EDF1: variants seen among roughly 807,000 people sequenced by gnomAD.
EDF1 encodes the protein endothelial differentiation related factor 1.
In EDF1, 5 loss-of-function variants were observed where a neutral mutation model predicts 20.8. The ratio of observed to expected loss-of-function variants is 0.24; its 90% CI spans 0.13 to 0.51. The LOEUF (loss-of-function observed/expected upper bound fraction) is 0.51, where lower values mean the gene tolerates loss of function less well. EDF1 is among the 20% of genes least tolerant of loss of function. The pLI, the probability that EDF1 is intolerant of heterozygous loss-of-function variation, is 0.97. For missense variants in EDF1, 137 were observed against 197.8 expected (o/e 0.69, Z 1.84); for synonymous variants, 96 against 78.5 (o/e 1.22, Z -1.18).
intron 1 of EDF1, among the ~76,000 whole-genome samples, chr9:136,865,365 C>T (rs532674069): frequency 6.6e-6 from 1 of 152,186 alleles, no homozygotes; most frequent in African/African-American, 2.4e-5. Context: ...CTCTCTACAG[C>T]CTGTGATGCA....
chr9:136,866,240 C>A lies in EDF1; in HGVS notation c.19G>T (p.Asp7Tyr). 1 of 1,600,476 alleles carries A rather than the reference C, an allele frequency of 6.2e-7. No individual in the cohort carries two copies. The highest frequency in any genetic ancestry group is 8.5e-7 in the Non-Finnish European group (1 of 1,175,514). The change falls in exon 1 of 5, where the codon GAC becomes TAC. Residue 7 changes from aspartate (D) to tyrosine (Y), a missense_variant. By Grantham distance (160) the Asp-to-Tyr change is radical. Transcript: ENST00000224073. ...TTCTTGCGCAGCACCGTCACCGTGT[C>A]CCAGTCGCTCTCGGCCATGGCGGGC... MAESDW[D>Y]TVTVLRKKGP...
intron 1 of EDF1, 92 bp downstream of exon 1, chr9:136,866,089 C>T: frequency 1.5e-6 from 2 of 1,341,830 alleles, no homozygotes; most frequent in Admixed American, 2.6e-5. Context: ...CAGGCCCCGC[C>T]TGCCCTTCCC....
intron 1 of EDF1, among the ~76,000 whole-genome samples, chr9:136,865,114 C>G (rs770269175): frequency 6.6e-6 from 1 of 152,166 alleles, no homozygotes; most frequent in Non-Finnish European, 1.5e-5. Flanking sequence ...ATCCCTGTCA[C>G]CAGAGCCCCA....
At position 136,866,275 on chromosome 9, in the gene EDF1, C is replaced by CG. The variant is rs1849226775; in HGVS notation, c.-18dup. ...CTCGGCCATGGCGGGCGAAGACGAG[C>CG]GTCCGTCCGGCGGCTCAGCGGCAGC... On this transcript the variant is annotated 5_prime_UTR_variant, in exon 1 of 5. Transcript: ENST00000224073. The CG allele has an allele frequency of 1.3e-6, 2 of 1,592,598 alleles. No individual in the cohort carries two copies. Among genetic ancestry groups the CG allele is most frequent in the Non-Finnish European group, 1.7e-6 (2 of 1,173,300 alleles).
chr9:136,865,789 C>T (rs554802668), intron 1 of EDF1, among the ~76,000 whole-genome samples: 19 of 149,964 alleles, frequency 1.3e-4, no homozygotes, highest in African/African-American at 4.4e-4. Flanking sequence ...CTGCCTCTGT[C>T]CTCACACCTG....
At position 136,863,043 on chromosome 9, in the gene EDF1, T is replaced by G; in HGVS notation, c.292-44A>C. 1 of 1,610,922 alleles carries G rather than the reference T, an allele frequency of 6.2e-7. No homozygotes were observed. The highest frequency in any genetic ancestry group is 8.5e-7 in the Non-Finnish European group (1 of 1,178,238). ...TTATACACATCAGCTCCACTAGGAC[T>G]GCTGCAAAACCAGGCGCGAAGCGTC... On this transcript the variant is annotated intron_variant, in intron 3 of 4. Transcript: ENST00000224073. The surrounding 1 kb of genome is among the most constrained non-coding windows in gnomAD (Gnocchi z 4.5).
Position 136,863,456 on chromosome 9 carries a change from C to A in EDF1, c.131-8G>T. 6.2e-7 allele frequency: 1 copy of A among 1,609,112 alleles called. No homozygotes were observed. The highest frequency in any genetic ancestry group is 8.5e-7 in the Non-Finnish European group (1 of 1,176,350). On this transcript the variant is annotated splice_polypyrimidine_tract_variant and splice_region_variant and intron_variant, in intron 2 of 4. Coordinates refer to ENST00000224073, the MANE Select transcript of EDF1 (RefSeq NM_003792.4). This position sits in a 1 kb window ranked among gnomAD's most constrained non-coding sequence, Gnocchi z 4.5. The stretch of plus-strand genomic sequence containing the variant: ...TGTTCTGGCCAGCAGCCCCTGGAGT[C>A]GGTGTGAGGCAAAAGCAGAGGAGAG...
intron 1 of EDF1, among the ~76,000 whole-genome samples, chr9:136,864,381 G>C (rs1438739549): frequency 6.6e-6 from 1 of 151,086 alleles, no homozygotes; most frequent in Non-Finnish European, 1.5e-5. Context: ...TGAATAGCTG[G>C]TATGCGTTAG....
Position 136,862,577 on chromosome 9 carries a change from C to A in EDF1, c.386-232G>T. ...TCTCCGGAAGAACCGGAGCCGGGGTCCTCTGTGGAACTGGCTTCCGGCCCC... is the reference window on the plus strand; with the variant it reads ...TCTCCGGAAGAACCGGAGCCGGGGTACTCTGTGGAACTGGCTTCCGGCCCC... On this transcript the variant is annotated intron_variant, in intron 4 of 4. Coordinates refer to ENST00000224073, the MANE Select transcript of EDF1 (RefSeq NM_003792.4). The surrounding 1 kb of genome is among the most constrained non-coding windows in gnomAD (Gnocchi z 4.1). The A allele has an allele frequency of 6.4e-7, 1 of 1,565,032 alleles. No homozygotes were observed. Among genetic ancestry groups the A allele is most frequent in the South Asian group, 1.1e-5 (1 of 87,288 alleles).
chr9:136,862,931 C>A lies in EDF1; in HGVS notation c.360G>T (p.Val120=), dbSNP rs757141351. The change falls in exon 4 of 5, where the codon GTG becomes GTT. Residue 120 remains valine (V), a synonymous_variant. Transcript: ENST00000224073. This position sits in a 1 kb window ranked among gnomAD's most constrained non-coding sequence, Gnocchi z 4.1. The part of the protein sequence containing the change: ...ESGRAIPNNQ[V]LGKIERAIGL... ...CAATGGCCCGCTCGATTTTGCCAAG[C>A]ACCTGGTTATTGGGTATGGCCCGTC... is the stretch of plus-strand genomic sequence containing the variant. 1.9e-5 allele frequency: 31 copies of A among 1,613,952 alleles called. No homozygotes were observed. The highest frequency in any genetic ancestry group is 2.5e-5 in the Non-Finnish European group (29 of 1,180,040).
intron 1 of EDF1, among the ~76,000 whole-genome samples, chr9:136,864,944 G>A (rs111826528): frequency 0.019 from 2,870 of 152,288 alleles, 109 homozygotes; most frequent in African/African-American, 0.066. Flanking sequence ...CACTTCAGAG[G>A]AGTGACTTGT....
Position 136,863,262 on chromosome 9 carries a change from G to A in EDF1, c.291+26C>T, listed in dbSNP as rs200198365. ...CCCCTCCCCAAACCCACAACCCCAG[G>A]AGTGAGAGCCCCGGCGCAGCCTCAC... On this transcript the variant is annotated intron_variant, in intron 3 of 4. Coordinates refer to ENST00000224073, the MANE Select transcript of EDF1 (RefSeq NM_003792.4). This position sits in a 1 kb window ranked among gnomAD's most constrained non-coding sequence, Gnocchi z 4.5. 512 of 1,603,812 alleles carry A rather than the reference G, an allele frequency of 3.2e-4. 3 individuals are homozygous for A. The African/African-American group carries it at 6.2e-3, about 19-fold the overall frequency.
Position 136,862,640 on chromosome 9 carries a change from G to A in EDF1, c.385+266C>T. 6.7e-7 allele frequency: 1 copy of A among 1,500,960 alleles called. No individual in the cohort carries two copies. The highest frequency in any genetic ancestry group is 8.8e-7 in the Non-Finnish European group (1 of 1,130,768). The allele number at this position is 1,500,960 out of a possible 1,614,324, so 93.0% of individuals were successfully genotyped here. ...CCCGGACCCGCTGTGCTCAGGCTCA[G>A]AGAACCATCGCCAACAGCACAGGCT... is the stretch of plus-strand genomic sequence containing the variant. On this transcript the variant is annotated intron_variant, in intron 4 of 4. Transcript: ENST00000224073. The surrounding 1 kb of genome is among the most constrained non-coding windows in gnomAD (Gnocchi z 4.1).
intron 1 of EDF1, among the ~76,000 whole-genome samples, chr9:136,865,012 C>G (rs1157096830): frequency 6.6e-6 from 1 of 152,208 alleles, no homozygotes; most frequent in Admixed American, 6.5e-5. Flanking sequence ...TCCCATGACT[C>G]CTAGCTTGTG....
At position 136,862,815 on chromosome 9, in the gene EDF1, T is replaced by C; in HGVS notation, c.385+91A>G. On this transcript the variant is annotated intron_variant, in intron 4 of 4. Transcript: ENST00000224073. This position sits in a 1 kb window ranked among gnomAD's most constrained non-coding sequence, Gnocchi z 4.1. ...GAACAGGGGACCCCCAGGGCCATCTTCTTCCCCCGAGTCCCACTCTCACCA... is the reference window on the plus strand; with the variant it reads ...GAACAGGGGACCCCCAGGGCCATCTCCTTCCCCCGAGTCCCACTCTCACCA... 1 of 1,610,624 alleles carries C rather than the reference T, an allele frequency of 6.2e-7. No individual in the cohort carries two copies. The highest frequency in any genetic ancestry group is 8.5e-7 in the Non-Finnish European group (1 of 1,179,552).
rs763683937 is a variant in EDF1, at chr9:136,862,364, A to C, written c.386-19T>G. The C allele has an allele frequency of 6.2e-7, 1 of 1,613,818 alleles. No individual in the cohort carries two copies. Among genetic ancestry groups the C allele is most frequent in the Non-Finnish European group, 8.5e-7 (1 of 1,179,988 alleles). On this transcript the variant is annotated intron_variant, in intron 4 of 4. Coordinates refer to ENST00000224073, the MANE Select transcript of EDF1 (RefSeq NM_003792.4). This position sits in a 1 kb window ranked among gnomAD's most constrained non-coding sequence, Gnocchi z 4.1. ...TTGAGGCCTGAAATGAGCCACAGCC[A>C]CTGGCCACTGCAGCACCAGCTCCCT...
intron 1 of EDF1, among the ~76,000 whole-genome samples, chr9:136,865,455 C>CA (rs1024670626): frequency 6.6e-6 from 1 of 151,994 alleles, no homozygotes; most frequent in Non-Finnish European, 1.5e-5. Flanking sequence ...AGAAAACTCT[C>CA]AGGGAGGAGC....
At chr9:136,865,864 T>C (rs895970167) in intron 1 of EDF1, among the ~76,000 whole-genome samples, 5 of 123,924 alleles carry the variant, frequency 4.0e-5, no homozygotes, top group Admixed American at 8.8e-5. Flanking sequence ...CCCGGCCCTA[T>C]CGCCTGCCCC....
Position 136,863,147 on chromosome 9 carries a change from C to A in EDF1, c.291+141G>T. Reference sequence around the variant, plus strand: ...GGTTTTGTGCGAGAGGCAGTGAGAGCCGGGCTGACCTGGCTTCCCGAGGCA... The same window carrying A: ...GGTTTTGTGCGAGAGGCAGTGAGAGACGGGCTGACCTGGCTTCCCGAGGCA... On this transcript the variant is annotated intron_variant, in intron 3 of 4. Transcript: ENST00000224073. This position sits in a 1 kb window ranked among gnomAD's most constrained non-coding sequence, Gnocchi z 4.5. 6.6e-7 allele frequency: 1 copy of A among 1,510,654 alleles called. No homozygotes were observed. 93.6% of individuals were successfully genotyped at this position (1,510,654 alleles called of 1,614,324 possible). A position where few individuals can be genotyped will look rare whatever the true frequency, so the allele number is the denominator to read the frequency against.
Sources: gnomAD v4.1 joint callset for allele counts (sites outside exome capture counted in the v4.1 genomes callset) on GRCh38, gnomAD v4.1.1 for gene constraint, Gnocchi (gnomAD v3.1) non-coding constraint, MANE v1.5 for transcripts, NCBI Gene and HGNC (gene_info 2026-07-23, HGNC 2026-07-21) for gene names.